FAM178B: variants seen among roughly 807,000 people sequenced by gnomAD.
FAM178B encodes the protein family with sequence similarity 178 member B.
In FAM178B, 82 loss-of-function variants were observed where a neutral mutation model predicts 91.7. That is an observed-to-expected ratio of 0.89 (90% CI 0.75 to 1.07). FAM178B has a LOEUF of 1.07. FAM178B is among the 50% of genes least tolerant of loss of function. The probability of loss-of-function intolerance (pLI) is 0.00; values close to 1 mark genes in which losing one functional copy is unlikely to be tolerated. For synonymous variants in FAM178B, 368 were observed against 359.4 expected (o/e 1.02, Z -0.27); for missense variants, 769 against 846.7 (o/e 0.91, Z 1.14).
chr2:96,960,977 C>G (rs1300462113), intron 5 of FAM178B, among the ~76,000 whole-genome samples: 1 of 152,058 alleles, frequency 6.6e-6, no homozygotes, highest in East Asian at 1.9e-4. Context: ...TATGAAGGAG[C>G]CTGATTCTCT....
chr2:96,984,837 T>G (rs921851772), intron 1 of FAM178B, among the ~76,000 whole-genome samples: 1 of 152,172 alleles, frequency 6.6e-6, no homozygotes, highest in African/African-American at 2.4e-5. Flanking sequence ...GGGTGCAGGC[T>G]GAGGTGGGTC....
chr2:96,931,457 G>A lies in FAM178B; in HGVS notation c.1079-2137C>T, dbSNP rs1282569388. On this transcript the variant is annotated intron_variant, in intron 8 of 16. Transcript: ENST00000490605. Reference sequence around the variant, plus strand: ...CAGGTGTTACTTGGAGGTGGTGAGCGGACAAGACAAGGAATATGAAATGTG... The same window carrying A: ...CAGGTGTTACTTGGAGGTGGTGAGCAGACAAGACAAGGAATATGAAATGTG... 3.9e-5 allele frequency among the ~76,000 whole-genome samples: 6 copies of A among 152,094 alleles called. 1 individual carries two copies. Among genetic ancestry groups the A allele is most frequent in the African/African-American group, 4.8e-5 (2 of 41,406 alleles).
chr2:96,949,250 C>G (rs2081884627), intron 7 of FAM178B, among the ~76,000 whole-genome samples: 1 of 152,152 alleles, frequency 6.6e-6, no homozygotes, highest in Admixed American at 6.5e-5. Context: ...ATCGAAGGAG[C>G]AGGGTTGGAG....
At chr2:96,941,134 G>A (rs1025972844) in intron 8 of FAM178B, among the ~76,000 whole-genome samples, 3 of 152,280 alleles carry the variant, frequency 2.0e-5, no homozygotes, top group Middle Eastern at 3.4e-3. Flanking sequence ...ATTTTGTGCC[G>A]GGAAATAATC....
chr2:96,978,692 T>C (rs1198343451), intron 1 of FAM178B, among the ~76,000 whole-genome samples: 1 of 151,908 alleles, frequency 6.6e-6, no homozygotes, highest in Admixed American at 6.6e-5. Context: ...CGGCGTCATC[T>C]TGGCTCACTG....
intron 8 of FAM178B, among the ~76,000 whole-genome samples, chr2:96,933,529 C>T (rs13383143): frequency 0.081 from 12,358 of 152,248 alleles, 773 homozygotes; most frequent in African/African-American, 0.17. Flanking sequence ...AGAACCTCTT[C>T]GGTCACTGGA....
chr2:96,914,457 A>G (rs891964277), intron 12 of FAM178B, among the ~76,000 whole-genome samples: 2 of 152,264 alleles, frequency 1.3e-5, no homozygotes, highest in African/African-American at 2.4e-5. Context: ...CGGCCACCTT[A>G]AAGACTCCAG....
chr2:96,899,557 T>A (rs1454624185), intron 13 of FAM178B, among the ~76,000 whole-genome samples: 4 of 150,904 alleles, frequency 2.7e-5, no homozygotes, highest in Admixed American at 1.3e-4. Context: ...CGCCACTCCA[T>A]GTACTTTAAA....
At chr2:96,917,331 C>A (rs984345813) in intron 12 of FAM178B, among the ~76,000 whole-genome samples, 1 of 152,236 alleles carries the variant, frequency 6.6e-6, no homozygotes, top group African/African-American at 2.4e-5. Flanking sequence ...TGGCACAAAG[C>A]ATCACCCTGC....
rs1045894984 is a variant in FAM178B at position 96,947,298 on chromosome 2, G to T, written c.1078+520C>A. 7.9e-5 allele frequency among the ~76,000 whole-genome samples: 12 copies of T among 152,164 alleles called. No individual in the cohort carries two copies. The South Asian group carries it at 8.3e-4, about 11-fold the overall frequency. On this transcript the variant is annotated intron_variant, in intron 8 of 16. Coordinates refer to ENST00000490605, the MANE Select transcript of FAM178B (RefSeq NM_001122646.3). ...CCTAAATGCCACAACCAAGGCACCA[G>T]CTTGAGGCTCTCATTCCCACCCAGA...
At chr2:96,905,841 TATATATATATATATATATA>T (rs1311135736) in intron 12 of FAM178B, among the ~76,000 whole-genome samples, 7 of 29,624 alleles carry the variant, frequency 2.4e-4, no homozygotes, top group South Asian at 9.1e-4. Context: ...TATATATATA[TATATATATATATATATATA>T]TTTTTTTTTT....
intron 13 of FAM178B, among the ~76,000 whole-genome samples, chr2:96,901,095 C>T (rs760781257): frequency 3.2e-4 from 49 of 152,106 alleles, no homozygotes; most frequent in African/African-American, 9.2e-4. Flanking sequence ...CGTGAAGTGA[C>T]GTCCTCTGAG....
At chr2:96,896,124 C>T (rs2080818102) in intron 13 of FAM178B, among the ~76,000 whole-genome samples, 1 of 152,222 alleles carries the variant, frequency 6.6e-6, no homozygotes, top group African/African-American at 2.4e-5. Flanking sequence ...TAGGGTCAGG[C>T]TCTGCAGCCC....
intron 9 of FAM178B, among the ~76,000 whole-genome samples, chr2:96,927,717 G>T (rs1340004812): frequency 6.6e-6 from 1 of 152,228 alleles, no homozygotes; most frequent in Admixed American, 6.5e-5. Flanking sequence ...AATCCTGGGA[G>T]AACCGGGAGG....
At chr2:96,979,637 G>A (rs985241923) in intron 1 of FAM178B, among the ~76,000 whole-genome samples, 1 of 152,130 alleles carries the variant, frequency 6.6e-6, no homozygotes. Context: ...TCTTCCTTCA[G>A]GAAGATACCC....
In FAM178B at chr2:96,878,070, C is replaced by CGG. The variant is rs1202261704; in HGVS notation, c.1855-30_1855-29dup. ...GTGGAGGCGGAGGGAGGCCAAGAAG[C>CGG]GGGTGTAGCACAAGCCAGGCACATC... is the stretch of plus-strand genomic sequence containing the variant. On this transcript the variant is annotated intron_variant, in intron 15 of 16. Transcript: ENST00000490605. 1.9e-6 allele frequency: 3 copies of CGG among 1,602,038 alleles called. No homozygotes were observed. The African/African-American group carries it at 4.0e-5, about 21-fold the overall frequency.
intron 12 of FAM178B, among the ~76,000 whole-genome samples, chr2:96,906,565 C>A (rs1229383392): frequency 6.6e-6 from 1 of 152,166 alleles, no homozygotes; most frequent in African/African-American, 2.4e-5. Flanking sequence ...TCAACACTTC[C>A]CACTTCCCCC....
chr2:96,908,143 G>A (rs550248056), intron 12 of FAM178B, among the ~76,000 whole-genome samples: 1 of 152,314 alleles, frequency 6.6e-6, no homozygotes, highest in South Asian at 2.1e-4. Flanking sequence ...TCCCTCCCGG[G>A]GGTCTGCAAG....
intron 13 of FAM178B, among the ~76,000 whole-genome samples, chr2:96,899,017 G>T (rs1331894514): frequency 6.6e-6 from 1 of 152,212 alleles, no homozygotes; most frequent in African/African-American, 2.4e-5. Context: ...CCCTTTGAAG[G>T]AGTGTTTCAG....
Sources: gnomAD v4.1 joint callset for allele counts (sites outside exome capture counted in the v4.1 genomes callset) on GRCh38, gnomAD v4.1.1 for gene constraint, MANE v1.5 for transcripts, NCBI Gene and HGNC (gene_info 2026-07-23, HGNC 2026-07-21) for gene names.